The following TAFA5 variants were observed in gnomAD, a reference collection of about 807,000 sequenced individuals.
TAFA5 encodes chemokine-like protein TAFA-5.
Under a neutral mutation model 15.3 loss-of-function variants are expected in TAFA5, and 6 were observed. The ratio of observed to expected loss-of-function variants is 0.39; its 90% CI spans 0.21 to 0.77. TAFA5 has a LOEUF of 0.77. TAFA5 is among the 30% of genes least tolerant of loss of function. TAFA5 has a pLI of 0.41. For synonymous variants in TAFA5, 103 were observed against 80.7 expected (o/e 1.28, Z -1.48); for missense variants, 161 against 193.1 (o/e 0.83, Z 0.98).
rs1930448984 is a variant in TAFA5, at chr22:48,750,300, T to G, written c.*453T>G. ...GACTGTCCGAATTGCTTTTATTTTC[T>G]TATACTTTCAGTATACTCCATAGAC... On this transcript the variant is annotated 3_prime_UTR_variant, in exon 4 of 4. Coordinates refer to ENST00000402357, the MANE Select transcript of TAFA5 (RefSeq NM_001082967.3). The G allele has an allele frequency of 5.4e-6, 1 of 186,322 alleles. No individual in the cohort carries two copies. Among genetic ancestry groups the G allele is most frequent in the Admixed American group, 5.7e-5 (1 of 17,412 alleles). The allele number at this position is 186,322 out of a possible 1,614,324, so 11.5% of individuals were successfully genotyped here. A position where few individuals can be genotyped will look rare whatever the true frequency, so the allele number is the denominator to read the frequency against.
chr22:48,687,356 G>T (rs1401066831), intron 2 of TAFA5, among the ~76,000 whole-genome samples: 1 of 151,408 alleles, frequency 6.6e-6, no homozygotes, highest in Non-Finnish European at 1.5e-5. Context: ...AGTGGGTGAT[G>T]GATGGATGGT....
At chr22:48,738,057 G>A (rs1457984116) in intron 3 of TAFA5, among the ~76,000 whole-genome samples, 4 of 152,106 alleles carry the variant, frequency 2.6e-5, no homozygotes, top group Non-Finnish European at 5.9e-5. Context: ...ATTCAGTGAG[G>A]CTGAGTCCAG....
In TAFA5 at chr22:48,602,677, G is replaced by A. The variant is rs113571803; in HGVS notation, c.113-43920G>A. The stretch of plus-strand genomic sequence containing the variant: ...CTGGTACAGAGACGCTTGGCTCGCC[G>A]CACATGTCTGTTGGACTCTGGCTGT... On this transcript the variant is annotated intron_variant, in intron 1 of 3. Transcript: ENST00000402357. 3.6e-3 allele frequency among the ~76,000 whole-genome samples: 552 copies of A among 152,298 alleles called. 3 individuals are homozygous for A. Among genetic ancestry groups the A allele is most frequent in the African/African-American group, 0.013 (532 of 41,566 alleles).
chr22:48,690,044 T>TTGGCTGGGGGGC (rs112006383), intron 2 of TAFA5, among the ~76,000 whole-genome samples: 140,632 of 151,814 alleles, frequency 0.93, 65,399 homozygotes, highest in East Asian at 1. Flanking sequence ...GGAGGTGGGC[T>TTGGCTGGGGGGC]TGGCTGGGGT....
chr22:48,593,703 A>G (rs1181262674), intron 1 of TAFA5, among the ~76,000 whole-genome samples: 2 of 152,176 alleles, frequency 1.3e-5, no homozygotes, highest in Non-Finnish European at 2.9e-5. Context: ...GAGCCGTCGC[A>G]GCCCAGGGAG....
chr22:48,603,570 G>T (rs533093363), intron 1 of TAFA5, among the ~76,000 whole-genome samples: 2 of 152,178 alleles, frequency 1.3e-5, no homozygotes, highest in Admixed American at 1.3e-4. Context: ...GGTATCTTCC[G>T]GACCTGGCCT....
At chr22:48,556,057 T>C (rs1923026651) in intron 1 of TAFA5, among the ~76,000 whole-genome samples, 1 of 152,160 alleles carries the variant, frequency 6.6e-6, no homozygotes, top group Non-Finnish European at 1.5e-5. Flanking sequence ...CCCTAAACGC[T>C]GAACCCCACT....
intron 1 of TAFA5, among the ~76,000 whole-genome samples, chr22:48,597,614 G>A (rs569136693): frequency 4.6e-5 from 7 of 152,246 alleles, no homozygotes; most frequent in South Asian, 2.1e-4. Context: ...TTTCCCTGCC[G>A]TTCCCCTCTG....
chr22:48,686,800 T>A (rs1369048291), intron 2 of TAFA5, among the ~76,000 whole-genome samples: 1 of 150,346 alleles, frequency 6.7e-6, no homozygotes, highest in Non-Finnish European at 1.5e-5. Context: ...GACAAGTGGA[T>A]GGATGGATGG....
At chr22:48,521,494 TA>T (rs746312088) in intron 1 of TAFA5, among the ~76,000 whole-genome samples, 15 of 151,906 alleles carry the variant, frequency 9.9e-5, no homozygotes, top group Admixed American at 1.3e-4. Context: ...CGGTGCCACA[TA>T]AAAAAAGCAC....
chr22:48,691,616 C>T (rs1928544283), intron 2 of TAFA5, among the ~76,000 whole-genome samples: 2 of 152,230 alleles, frequency 1.3e-5, no homozygotes, highest in African/African-American at 4.8e-5. Flanking sequence ...GCAGGCTCTT[C>T]TTCTGCCCCT....
intron 1 of TAFA5, among the ~76,000 whole-genome samples, chr22:48,573,601 T>C (rs1035612211): frequency 2.6e-5 from 4 of 152,196 alleles, no homozygotes; most frequent in Non-Finnish European, 4.4e-5. Context: ...CAATGCCACA[T>C]GCATTTACTA....
chr22:48,734,847 G>A (rs1251515539), intron 3 of TAFA5, among the ~76,000 whole-genome samples: 5 of 152,088 alleles, frequency 3.3e-5, no homozygotes. Context: ...CTTTGGATTT[G>A]GGGAAAAACC....
chr22:48,642,777 A>G (rs990327811), intron 1 of TAFA5, among the ~76,000 whole-genome samples: 4 of 152,002 alleles, frequency 2.6e-5, no homozygotes, highest in Non-Finnish European at 4.4e-5. Flanking sequence ...TGGTATGTAC[A>G]TTCACATGTG....
chr22:48,742,210 C>T lies in TAFA5; in HGVS notation c.391-7629C>T, dbSNP rs1422939336. On this transcript the variant is annotated intron_variant, in intron 3 of 3. Transcript: ENST00000402357. This position sits in a 1 kb window ranked among gnomAD's most constrained non-coding sequence, Gnocchi z 6.2. ...TGCCCCACCCCACAGGCCCCTCATC[C>T]TTCACCAGGCACAGCCCTGCCCCAC... Among the ~76,000 whole-genome samples, 1 of 151,420 alleles carries T rather than the reference C, an allele frequency of 6.6e-6. No individual in the cohort carries two copies. The highest frequency in any genetic ancestry group is 2.4e-5 in the African/African-American group (1 of 41,198).
chr22:48,693,068 C>T (rs1396354858), intron 2 of TAFA5, among the ~76,000 whole-genome samples: 1 of 152,258 alleles, frequency 6.6e-6, no homozygotes, highest in Non-Finnish European at 1.5e-5. Flanking sequence ...TACTCAGGCC[C>T]AAGGCCGTTG....
intron 1 of TAFA5, among the ~76,000 whole-genome samples, chr22:48,549,137 T>A (rs1159655042): frequency 2.0e-5 from 3 of 152,252 alleles, no homozygotes; most frequent in African/African-American, 7.2e-5. Flanking sequence ...TCAAAGGGAA[T>A]GAGCCTCGCT....
chr22:48,601,609 G>A (rs1924976291), intron 1 of TAFA5, among the ~76,000 whole-genome samples: 2 of 152,156 alleles, frequency 1.3e-5, no homozygotes, highest in South Asian at 4.1e-4. Flanking sequence ...TTACAGGCGG[G>A]AGCCACCACG....
At chr22:48,524,869 G>A (rs543803314) in intron 1 of TAFA5, among the ~76,000 whole-genome samples, 2 of 152,274 alleles carry the variant, frequency 1.3e-5, no homozygotes, top group East Asian at 1.9e-4. Context: ...CACCCAGGGC[G>A]TTCCTTCCTG....
Sources: allele counts gnomAD v4.1 joint callset (sites outside exome capture counted in the v4.1 genomes callset), GRCh38; gene constraint gnomAD v4.1.1; non-coding constraint Gnocchi (gnomAD v3.1); transcripts MANE v1.5; gene names NCBI Gene and HGNC (gene_info 2026-07-23, HGNC 2026-07-21).